The following CLN6 variants were observed in gnomAD, a reference collection of about 807,000 sequenced individuals.
CLN6 encodes CLN6 transmembrane ER protein.
CLN6 carries 22 observed loss-of-function variants against 33.3 expected under a neutral mutation model. That is an observed-to-expected ratio of 0.66 (90% CI 0.47 to 0.94). The LOEUF (loss-of-function observed/expected upper bound fraction) is 0.94. CLN6 is among the 40% of genes least tolerant of loss of function. CLN6 has a pLI of 0.00. For synonymous variants in CLN6, 201 were observed against 174.6 expected (o/e 1.15, Z -1.19); for missense variants, 387 against 417.1 (o/e 0.93, Z 0.63).
At position 68,208,956 on chromosome 15, in the gene CLN6, T is replaced by C. The variant is rs2093196416; in HGVS notation, c.666-546A>G. ...CCAGGAAAGGAGGCCCTTTTCATTTTGAGGGAGGCCTCCCATCAGAGAAGG... is the reference window on the plus strand; with the variant it reads ...CCAGGAAAGGAGGCCCTTTTCATTTCGAGGGAGGCCTCCCATCAGAGAAGG... On this transcript the variant is annotated intron_variant, in intron 6 of 6. Coordinates refer to ENST00000249806, the MANE Select transcript of CLN6 (RefSeq NM_017882.3). This position sits in a 1 kb window ranked among gnomAD's most constrained non-coding sequence, Gnocchi z 5.8. 6.6e-6 allele frequency among the ~76,000 whole-genome samples: 1 copy of C among 152,204 alleles called. No homozygotes were observed. Among genetic ancestry groups the C allele is most frequent in the African/African-American group, 2.4e-5 (1 of 41,446 alleles).
At chr15:68,235,611 T>A (rs56239452) in intron 1 of CLN6, among the ~76,000 whole-genome samples, 508 of 10,386 alleles carry the variant, frequency 0.049, 5 homozygotes, top group Non-Finnish European at 0.25. Flanking sequence ...TATATATATA[T>A]ATATATATAT....
Position 68,229,609 on chromosome 15 carries a change from C to A in CLN6, c.-25G>T. On this transcript the variant is annotated 5_prime_UTR_variant, in exon 1 of 7. In the 5' UTR this introduces an upstream ATG that the reference lacks. Transcript: ENST00000249806. Reference sequence around the variant, plus strand: ...TGGCTGCCCCGCAGGCCCCTCGGCCCTGCCTTTCCGAGGAAGAGACCGGTT... The same window carrying A: ...TGGCTGCCCCGCAGGCCCCTCGGCCATGCCTTTCCGAGGAAGAGACCGGTT... 1 of 1,448,284 alleles carries A rather than the reference C, an allele frequency of 6.9e-7. No individual in the cohort carries two copies. The highest frequency in any genetic ancestry group is 9.1e-7 in the Non-Finnish European group (1 of 1,102,362). 89.7% of individuals were successfully genotyped at this position (1,448,284 alleles called of 1,614,324 possible). A position where few individuals can be genotyped will look rare whatever the true frequency, so the allele number is the denominator to read the frequency against.
At position 68,219,231 on chromosome 15, in the gene CLN6, G is replaced by C. The variant is rs28420302; in HGVS notation, c.84-581C>G. Among the ~76,000 whole-genome samples, 1,732 of 152,222 alleles carry C rather than the reference G, an allele frequency of 0.011. 30 individuals carry two copies. The highest frequency in any genetic ancestry group is 0.04 in the African/African-American group (1,660 of 41,514). On this transcript the variant is annotated intron_variant, in intron 1 of 6. Transcript: ENST00000249806. The surrounding 1 kb of genome is among the most constrained non-coding windows in gnomAD (Gnocchi z 4.2). Reference sequence around the variant, plus strand: ...TACTTTTAACCTCCATCCCATAGTTGGGTCCATCAGGATTGGTCTATGGGA... The same window carrying C: ...TACTTTTAACCTCCATCCCATAGTTCGGTCCATCAGGATTGGTCTATGGGA...
intron 1 of CLN6, among the ~76,000 whole-genome samples, chr15:68,251,363 C>T (rs563421820): frequency 2.6e-5 from 4 of 152,196 alleles, no homozygotes; most frequent in African/African-American, 9.6e-5. Context: ...TCACTGTAAA[C>T]ATTGTTCCAT....
Position 68,256,022 on chromosome 15 carries a change from G to A in CLN6, c.179+668C>T, listed in dbSNP as rs919834743. The stretch of plus-strand genomic sequence containing the variant: ...CTGTCTGTTGTCCAACTCCTCGCCC[G>A]AAGTGATCCTCCTTCTTCGACCTCC... On this transcript the variant is annotated intron_variant, in intron 1 of 6. Transcript: ENST00000538696. The surrounding 1 kb of genome is among the most constrained non-coding windows in gnomAD (Gnocchi z 4.1). Among the ~76,000 whole-genome samples, 2 of 151,800 alleles carry A rather than the reference G, an allele frequency of 1.3e-5. No homozygotes were observed. The highest frequency in any genetic ancestry group is 2.9e-5 in the Non-Finnish European group (2 of 67,950).
chr15:68,250,038 TG>T (rs964170364), intron 1 of CLN6, among the ~76,000 whole-genome samples: 29 of 152,260 alleles, frequency 1.9e-4, no homozygotes, highest in African/African-American at 6.5e-4. Context: ...CCCAAAGTGC[TG>T]GGATTAGAGG....
rs2093258073 is a variant in CLN6 at position 68,228,292 on chromosome 15, C to G, written c.83+1210G>C. Among the ~76,000 whole-genome samples, 1 of 152,162 alleles carries G rather than the reference C, an allele frequency of 6.6e-6. No homozygotes were observed. Among genetic ancestry groups the G allele is most frequent in the African/African-American group, 2.4e-5 (1 of 41,424 alleles). On this transcript the variant is annotated intron_variant, in intron 1 of 6. Coordinates refer to ENST00000249806, the MANE Select transcript of CLN6 (RefSeq NM_017882.3). The surrounding 1 kb of genome is among the most constrained non-coding windows in gnomAD (Gnocchi z 4.4). Reference sequence around the variant, plus strand: ...TCATCCAGGTCGTACCAAAAACTTCCTAACAAGGACTTTGCGCATGCTAGT... The same window carrying G: ...TCATCCAGGTCGTACCAAAAACTTCGTAACAAGGACTTTGCGCATGCTAGT...
At chr15:68,251,371 C>T (rs1171255675) in intron 1 of CLN6, among the ~76,000 whole-genome samples, 1 of 152,040 alleles carries the variant, frequency 6.6e-6, no homozygotes, top group East Asian at 1.9e-4. Context: ...AACATTGTTC[C>T]ATTAAGAGCA....
Position 68,209,691 on chromosome 15 carries a change from C to T in CLN6, c.611G>A (p.Ser204Asn). 2 of 1,613,804 alleles carry T rather than the reference C, an allele frequency of 1.2e-6. No homozygotes were observed. Among genetic ancestry groups the T allele is most frequent in the Non-Finnish European group, 1.7e-6 (2 of 1,179,992 alleles). The change falls in exon 6 of 7, where the codon AGC becomes AAC. Residue 204 changes from serine to asparagine, a missense_variant. By Grantham distance (46) the Ser-to-Asn change is conservative. Coordinates refer to ENST00000249806, the MANE Select transcript of CLN6 (RefSeq NM_017882.3). This position sits in a 1 kb window ranked among gnomAD's most constrained non-coding sequence, Gnocchi z 4.9. Reference protein sequence around the residue: ...SGCFTASKAESLIPGPALLLV... With the variant: ...SGCFTASKAENLIPGPALLLV... ...GAGCAGGGCAGGCCCTGGAATCAAG[C>T]TCTCAGCTTTAGAGGCAGTAAAGCA...
At chr15:68,222,081 A>G (rs1283006739) in intron 1 of CLN6, among the ~76,000 whole-genome samples, 745 of 35,684 alleles carry the variant, frequency 0.021, no homozygotes, top group Middle Eastern at 0.1. Context: ...TCTGGGAAGT[A>G]AGGAGCCCCT....
At chr15:68,217,723 GGCAACTGTCAGCAA>G (rs1443896886) in intron 2 of CLN6, among the ~76,000 whole-genome samples, 1 of 152,162 alleles carries the variant, frequency 6.6e-6, no homozygotes, top group Non-Finnish European at 1.5e-5. Flanking sequence ...TGGCCCGTCA[GGCAACTGTCAGCAA>G]GTTGGGTGGG....
intron 1 of CLN6, among the ~76,000 whole-genome samples, chr15:68,222,825 C>T (rs1382629355): frequency 1.3e-5 from 2 of 152,130 alleles, no homozygotes. Context: ...TATAACCTTA[C>T]CCCCAACCCC....
chr15:68,216,816 A>G (rs1219403456), intron 2 of CLN6, among the ~76,000 whole-genome samples: 1 of 152,232 alleles, frequency 6.6e-6, no homozygotes, highest in Non-Finnish European at 1.5e-5. Flanking sequence ...CTACGGGCAG[A>G]TTCTCGGAAG....
chr15:68,208,065 C>G lies in CLN6; in HGVS notation c.*75G>C, dbSNP rs57058289. The G allele has an allele frequency of 2.3e-3, 3,388 of 1,500,076 alleles. 14 individuals are homozygous for G. Among genetic ancestry groups the G allele is most frequent in the Middle Eastern group, 9.3e-3 (40 of 4,304 alleles). The allele number at this position is 1,500,076 out of a possible 1,614,324, so 92.9% of individuals were successfully genotyped here. A position where few individuals can be genotyped will look rare whatever the true frequency, so the allele number is the denominator to read the frequency against. ...TCTCTGGTTACACACCCACACCCCC[C>G]CTACTCCTGTATTCAGATGCCCTCC... On this transcript the variant is annotated 3_prime_UTR_variant, in exon 7 of 7. Transcript: ENST00000249806. This position sits in a 1 kb window ranked among gnomAD's most constrained non-coding sequence, Gnocchi z 5.8.
At chr15:68,214,466 A>G in intron 2 of CLN6, 78 bp from the exon 3 acceptor site, 3 of 962,184 alleles carry the variant, frequency 3.1e-6, no homozygotes, top group Non-Finnish European at 5.0e-6. Flanking sequence ...GTCTGCCCCT[A>G]ATGCCGCCCA....
At chr15:68,255,867 C>T (rs1168370144) in intron 1 of CLN6, among the ~76,000 whole-genome samples, 2 of 152,176 alleles carry the variant, frequency 1.3e-5, no homozygotes, top group African/African-American at 4.8e-5. Context: ...AGTCACCACT[C>T]ACTGAAACCT....
chr15:68,256,776 C>T lies in CLN6; in HGVS notation c.93G>A (p.Ala31=), dbSNP rs1431985057. 5 of 702,194 alleles carry T rather than the reference C, an allele frequency of 7.1e-6. No individual in the cohort carries two copies. Among genetic ancestry groups the T allele is most frequent in the South Asian group, 1.5e-5 (1 of 67,588 alleles). 43.5% of individuals were successfully genotyped at this position (702,194 alleles called of 1,614,324 possible). ...GTGGCTTGAAGGCTCGGCTCAAGCC[C>T]GCCTCGCCTCCCTCCCTCCTAGGGA... Residue 31 remains alanine, a synonymous_variant, in exon 1 of 7, where the codon GCG becomes GCA. Transcript: ENST00000538696. This position sits in a 1 kb window ranked among gnomAD's most constrained non-coding sequence, Gnocchi z 4.1.
rs914823906 is a variant in CLN6, at chr15:68,250,459, T to C, written c.179+6231A>G. Among the ~76,000 whole-genome samples the C allele has an allele frequency of 3.3e-5, 5 of 151,986 alleles. No homozygotes were observed. The East Asian group carries it at 7.7e-4, about 24-fold the overall frequency. ...AACCAACATGGTGAAACCCCGTCTC[T>C]ACTAAAAATACAAAAATTAGCTGGG... On this transcript the variant is annotated intron_variant, in intron 1 of 6. Transcript: ENST00000538696.
At chr15:68,235,587 AATATATATATATATATATATATATATAT>A (rs59823320) in intron 1 of CLN6, among the ~76,000 whole-genome samples, 3 of 95,102 alleles carry the variant, frequency 3.2e-5, no homozygotes, top group African/African-American at 9.2e-5. Flanking sequence ...AATAAAAATA[AATATATATATATATATATATATATATAT>A]ATATATATAT....
Sources: gnomAD v4.1 joint callset for allele counts (sites outside exome capture counted in the v4.1 genomes callset) on GRCh38, gnomAD v4.1.1 for gene constraint, Gnocchi (gnomAD v3.1) non-coding constraint, MANE v1.5 for transcripts, NCBI Gene and HGNC (gene_info 2026-07-23, HGNC 2026-07-21) for gene names.